SLC35B2: variants seen among roughly 807,000 people sequenced by gnomAD.
The protein encoded by SLC35B2 is adenosine 3'-phospho 5'-phosphosulfate transporter 1.
In SLC35B2, 19 loss-of-function variants were observed where a neutral mutation model predicts 37.9. The observed-to-expected ratio is 0.50, with a 90% CI of 0.35 to 0.74. The LOEUF is 0.74. Among genes scored for constraint, SLC35B2 ranks in the 30% least tolerant of loss-of-function variants. SLC35B2 has a pLI of 0.01. For synonymous variants in SLC35B2, 277 were observed against 225.2 expected, an observed-to-expected ratio of 1.23 and a Z score of -2.06; for missense variants, 633 against 547.6, an observed-to-expected ratio of 1.16 and a Z score of -1.56.
chr6:44,257,668 C>G (rs1312149174), upstream of SLC35B2: 6 of 175,842 alleles, frequency 3.4e-5, no homozygotes, highest in Non-Finnish European at 5.9e-5. Flanking sequence ...ACCTGGGCTG[C>G]CCCTGGGCGC....
chr6:44,257,028 T>C, intron 1 of SLC35B2, 150 bp from the exon 2 acceptor site: 1 of 902,262 alleles, frequency 1.1e-6, no homozygotes, highest in Non-Finnish European at 1.6e-6. Context: ...TCTCTCTCTC[T>C]CTCTCGGGGA....
At position 44,254,997 on chromosome 6, in the gene SLC35B2, C is replaced by T. The variant is rs1781235707; in HGVS notation, c.1008G>A (p.Glu336=). The change falls in exon 4 of 4, where the codon GAG becomes GAA. Residue 336 remains glutamate, a synonymous_variant. Coordinates refer to ENST00000393812, the MANE Select transcript of SLC35B2 (RefSeq NM_178148.4). ...AGAGTAGCAGGGCATGGGCAGCAAA[C>T]TCACTGTGTCGCCCCATGAAGCGGG... ...EGTRFMGRHS[E]FAAHALLLSI... 3 of 1,614,090 alleles carry T rather than the reference C, an allele frequency of 1.9e-6. No individual in the cohort carries two copies. The highest frequency in any genetic ancestry group is 1.7e-5 in the Admixed American group (1 of 60,004).
At position 44,256,862 on chromosome 6, in the gene SLC35B2, C is replaced by T; in HGVS notation, c.28G>A (p.Val10Met). 6 of 1,606,562 alleles carry T rather than the reference C, an allele frequency of 3.7e-6. No individual in the cohort carries two copies. The highest frequency in any genetic ancestry group is 5.1e-6 in the Non-Finnish European group (6 of 1,176,906). Reference protein sequence around the residue: MDARWWAVVVLAAFPSLGAG... With the variant: MDARWWAVVMLAAFPSLGAG... The stretch of plus-strand genomic sequence containing the variant: ...CCTAGGGAGGGGAACGCAGCCAGCA[C>T]CACCACTGCCCACCATCTGTAAGGA... The change falls in exon 2 of 4, where the codon GTG becomes ATG. Residue 10 changes from valine (V) to methionine (M), a missense_variant. Transcript: ENST00000393812.
chr6:44,254,457 T>A lies in SLC35B2; in HGVS notation c.*249A>T. 1 of 480,966 alleles carries A rather than the reference T, an allele frequency of 2.1e-6. No individual in the cohort carries two copies. Among genetic ancestry groups the A allele is most frequent in the African/African-American group, 2.0e-5 (1 of 51,276 alleles). 29.8% of individuals were successfully genotyped at this position (480,966 alleles called of 1,614,324 possible). On this transcript the variant is annotated 3_prime_UTR_variant, in exon 4 of 4. Transcript: ENST00000393812. ...TACCTATGCTCTCTTGACCCCAAAC[T>A]CCCCAAAACCCCTCACTGAGGACTG...
At position 44,255,384 on chromosome 6, in the gene SLC35B2, G is replaced by A; in HGVS notation, c.621C>T (p.Val207=). 6.2e-7 allele frequency: 1 copy of A among 1,614,228 alleles called. No individual in the cohort carries two copies. The highest frequency in any genetic ancestry group is 8.5e-7 in the Non-Finnish European group (1 of 1,180,036). ...TGGCCAGCACCTGGGTGGGGAAGCT[G>A]ACGAACTTAAGAGCTTCGTATTGGC... ...SWCQYEALKF[V]SFPTQVLAKA... The change falls in exon 4 of 4, where the codon GTC becomes GTT. Residue 207 remains valine, a synonymous_variant. Transcript: ENST00000393812.
rs1488685244 is a variant in SLC35B2 at position 44,256,494 on chromosome 6, T to C, written c.208A>G (p.Arg70Gly). ...FRRKNYLETGRGLCFPLVKAC... is the reference protein window; with the variant it reads ...FRRKNYLETGGGLCFPLVKAC... ...TTCACCAGGGGAAAGCAGAGGCCCCTACCTGAAGAAAGCACACAAAGTCAA... is the reference window on the plus strand; with the variant it reads ...TTCACCAGGGGAAAGCAGAGGCCCCCACCTGAAGAAAGCACACAAAGTCAA... The change falls in exon 3 of 4, where the codon AGG becomes GGG. Residue 70 changes from arginine (R) to glycine (G), a missense_variant and splice_region_variant. Physicochemically the swap from Arg to Gly is moderately radical, Grantham distance 125. Transcript: ENST00000393812. 2 of 1,614,150 alleles carry C rather than the reference T, an allele frequency of 1.2e-6. No individual in the cohort carries two copies. Among genetic ancestry groups the C allele is most frequent in the Admixed American group, 1.7e-5 (1 of 60,012 alleles).
intron 3 of SLC35B2, 106 bp from the exon 4 acceptor site, chr6:44,255,750 A>G: frequency 9.1e-7 from 1 of 1,097,294 alleles, no homozygotes; most frequent in Non-Finnish European, 1.3e-6. Context: ...ATTCAAAGGA[A>G]AATATACACT....
rs1383164457 is a variant in SLC35B2 at position 44,254,805 on chromosome 6, C to G, written c.1200G>C (p.Val400=). The part of the protein sequence containing the change: ...VTVVGGLGVA[V]VFAALLLRVY... ...CTCTGAGCAGGAGGGCAGCAAAGAC[C>G]ACAGCCACCCCCAGCCCTCCCACCA... The change falls in exon 4 of 4, where the codon GTG becomes GTC. Residue 400 remains valine (V), a synonymous_variant. Transcript: ENST00000393812. 6.2e-6 allele frequency: 10 copies of G among 1,614,188 alleles called. No individual in the cohort carries two copies. Among genetic ancestry groups the G allele is most frequent in the Non-Finnish European group, 8.5e-6 (10 of 1,180,036 alleles).
At chr6:44,257,577 CGACCACGCAGCGCCCCGGGCCGCCGCCG>C, upstream of SLC35B2, 1 of 539,036 alleles carries the variant, frequency 1.9e-6, no homozygotes. Flanking sequence ...GCCCCTGCCG[CGACCACGCAGCGCCCCGGGCCGCCGCCG>C]GACCACAGCG....
In SLC35B2 at chr6:44,254,821, C is replaced by T; in HGVS notation, c.1184G>A (p.Gly395Glu). The T allele has an allele frequency of 6.2e-7, 1 of 1,614,206 alleles. No individual in the cohort carries two copies. The highest frequency in any genetic ancestry group is 8.5e-7 in the Non-Finnish European group (1 of 1,180,042). The change falls in exon 4 of 4, where the codon GGG (glycine) becomes GAG (glutamate). Residue 395 changes from glycine (G) to glutamate (E), a missense_variant. Coordinates refer to ENST00000393812, the MANE Select transcript of SLC35B2 (RefSeq NM_178148.4). ...LYGHTVTVVG[G>E]LGVAVVFAAL... ...AGCAAAGACCACAGCCACCCCCAGCCCTCCCACCACAGTGACAGTGTGGCC... is the reference window on the plus strand; with the variant it reads ...AGCAAAGACCACAGCCACCCCCAGCTCTCCCACCACAGTGACAGTGTGGCC...
In SLC35B2 at chr6:44,254,283, T is replaced by C. The variant is rs1781116796; in HGVS notation, c.*423A>G. 5.0e-6 allele frequency: 1 copy of C among 201,578 alleles called. No individual in the cohort carries two copies. The highest frequency in any genetic ancestry group is 1.0e-5 in the Non-Finnish European group (1 of 96,672). The allele number at this position is 201,578 out of a possible 1,614,324, so 12.5% of individuals were successfully genotyped here. On this transcript the variant is annotated 3_prime_UTR_variant, in exon 4 of 4. Transcript: ENST00000393812. ...CAGCACAGCACCATCTTCACCCTCC[T>C]GGGAAAGCAGCATTGGAGCCTACAC... is the stretch of plus-strand genomic sequence containing the variant.
Position 44,257,384 on chromosome 6 carries a change from C to A in SLC35B2, c.11+16G>T, listed in dbSNP as rs1243520454. On this transcript the variant is annotated intron_variant, in intron 1 of 3. Transcript: ENST00000393812. Reference sequence around the variant, plus strand: ...GGGGCTCGGTCACGTGAGCTCGCTGCTGCCCTAGCCCCCACCTGGCGTCCA... The same window carrying A: ...GGGGCTCGGTCACGTGAGCTCGCTGATGCCCTAGCCCCCACCTGGCGTCCA... 1.5e-6 allele frequency: 2 copies of A among 1,295,482 alleles called. No homozygotes were observed. Among genetic ancestry groups the A allele is most frequent in the East Asian group, 3.1e-5 (1 of 32,308 alleles). 80.2% of individuals were successfully genotyped at this position (1,295,482 alleles called of 1,614,324 possible). A position where few individuals can be genotyped will look rare whatever the true frequency, so the allele number is the denominator to read the frequency against.
chr6:44,257,462 C>G lies in SLC35B2; in HGVS notation c.-52G>C. On this transcript the variant is annotated 5_prime_UTR_variant, in exon 1 of 4. Coordinates refer to ENST00000393812, the MANE Select transcript of SLC35B2 (RefSeq NM_178148.4). ...GAACCGGGGAATGCGAGTCCCCGGGCCGCGCGCCCCCTGCGCTCCCGCCGC... is the reference window on the plus strand; with the variant it reads ...GAACCGGGGAATGCGAGTCCCCGGGGCGCGCGCCCCCTGCGCTCCCGCCGC... The G allele has an allele frequency of 1.6e-6, 2 of 1,242,302 alleles. No individual in the cohort carries two copies. Among genetic ancestry groups the G allele is most frequent in the Non-Finnish European group, 2.0e-6 (2 of 986,172 alleles). The allele number at this position is 1,242,302 out of a possible 1,614,324, so 77.0% of individuals were successfully genotyped here. A position where few individuals can be genotyped will look rare whatever the true frequency, so the allele number is the denominator to read the frequency against.
Position 44,254,594 on chromosome 6 carries a change from T to TA in SLC35B2, c.*111dup. On this transcript the variant is annotated 3_prime_UTR_variant, in exon 4 of 4. Transcript: ENST00000393812. ...CCCCTGCTGCAGAGCTGGTCTGTGA[T>TA]ACTGAGAAAACACCTGCATTTTGCC... The TA allele has an allele frequency of 8.1e-7, 1 of 1,228,300 alleles. No individual in the cohort carries two copies. The highest frequency in any genetic ancestry group is 1.1e-6 in the Non-Finnish European group (1 of 883,598). 76.1% of individuals were successfully genotyped at this position (1,228,300 alleles called of 1,614,324 possible).
In SLC35B2 at chr6:44,256,407, C is replaced by G. The variant is rs1020688093; in HGVS notation, c.295G>C (p.Glu99Gln). Residue 99 changes from glutamate (E) to glutamine (Q), a missense_variant, in exon 3 of 4, where the codon GAG becomes CAG. Glu to Gln is a conservative substitution (Grantham distance 29, BLOSUM62 2). Transcript: ENST00000393812. ...CACATCGGGGTGGTCTCTGCCGCCT[C>G]TGTTCGGGGCGCCAGGGGAACCTCA... ...SDEVPLAPRT[E>Q]AAETTPMWQA... The G allele has an allele frequency of 4.3e-6, 7 of 1,614,102 alleles. No homozygotes were observed. Among genetic ancestry groups the G allele is most frequent in the African/African-American group, 1.3e-5 (1 of 74,944 alleles).
At chr6:44,257,319 A>G in intron 1 of SLC35B2, 81 bp downstream of exon 1, 1 of 1,286,258 alleles carries the variant, frequency 7.8e-7, no homozygotes, top group South Asian at 2.2e-5. Context: ...CCGGGACCCC[A>G]CCCGGCCCCC....
Position 44,254,535 on chromosome 6 carries a change from G to A in SLC35B2, c.*171C>T, listed in dbSNP as rs1461716767. On this transcript the variant is annotated 3_prime_UTR_variant, in exon 4 of 4. Coordinates refer to ENST00000393812, the MANE Select transcript of SLC35B2 (RefSeq NM_178148.4). ...CTTACTGGAAGATGGGTGACTTAAG[G>A]CAAAAGGGAAGGCTGCCTCCTGGGC... The A allele has an allele frequency of 1.6e-5, 12 of 731,100 alleles. No homozygotes were observed. Among genetic ancestry groups the A allele is most frequent in the Non-Finnish European group, 2.4e-5 (11 of 457,818 alleles). The allele number at this position is 731,100 out of a possible 1,614,324, so 45.3% of individuals were successfully genotyped here.
Position 44,255,290 on chromosome 6 carries a change from C to T in SLC35B2, c.715G>A (p.Glu239Lys). The T allele has an allele frequency of 6.2e-7, 1 of 1,614,220 alleles. No individual in the cohort carries two copies. The highest frequency in any genetic ancestry group is 1.1e-5 in the South Asian group (1 of 91,088). The change falls in exon 4 of 4, where the codon GAG becomes AAG. Residue 239 changes from glutamate to lysine, a missense_variant. Glu to Lys is a moderately conservative substitution (Grantham distance 56). Coordinates refer to ENST00000393812, the MANE Select transcript of SLC35B2 (RefSeq NM_178148.4). ...LVSRRSYEHWEYLTATLISIG... is the reference protein window; with the variant it reads ...LVSRRSYEHWKYLTATLISIG... The stretch of plus-strand genomic sequence containing the variant: ...GAGATGAGGGTGGCTGTCAGGTACT[C>T]CCAGTGTTCGTAGCTGCGCCGAGAC...
At position 44,254,730 on chromosome 6, in the gene SLC35B2, A is replaced by G; in HGVS notation, c.1275T>C (p.Val425=). 1 of 1,613,272 alleles carries G rather than the reference A, an allele frequency of 6.2e-7. No individual in the cohort carries two copies. Among genetic ancestry groups the G allele is most frequent in the Non-Finnish European group, 8.5e-7 (1 of 1,179,354 alleles). Residue 425 remains valine (V), a synonymous_variant, in exon 4 of 4, where the codon GTT becomes GTC. Coordinates refer to ENST00000393812, the MANE Select transcript of SLC35B2 (RefSeq NM_178148.4). ...LKQRGKKAVP[V]ESPVQKV ...CTCAAACCTTCTGCACAGGAGACTC[A>G]ACAGGCACAGCCTTCTTTCCCCGTT... is the stretch of plus-strand genomic sequence containing the variant.
Sources: gnomAD v4.1 joint callset for allele counts on GRCh38, gnomAD v4.1.1 for gene constraint, MANE v1.5 for transcripts, NCBI Gene and HGNC (gene_info 2026-07-23, HGNC 2026-07-21) for gene names.